Variants in NCALD observed in about 807,000 individuals in gnomAD.
The protein encoded by NCALD is neurocalcin delta.
A neutral mutation model predicts 18.6 loss-of-function variants in NCALD; 10 were observed. The observed-to-expected ratio is 0.54, with a 90% confidence interval of 0.33 to 0.91. NCALD has a LOEUF of 0.91. Among genes scored for constraint, NCALD ranks in the 40% least tolerant of loss-of-function variants. The pLI is 0.03. For missense variants in NCALD, 184 were observed against 247.6 expected (o/e 0.74, Z 1.72); for synonymous variants, 88 against 87.4 (o/e 1.01, Z -0.04).
intron 1 of NCALD, among the ~76,000 whole-genome samples, chr8:101,761,504 C>G (rs186568378): frequency 6.2e-4 from 95 of 152,234 alleles, no homozygotes; most frequent in African/African-American, 2.0e-3. Context: ...AATAAAAACT[C>G]TCCAGAAAAT....
intron 2 of NCALD, among the ~76,000 whole-genome samples, chr8:101,716,268 A>G (rs1408179637): frequency 6.6e-6 from 1 of 151,966 alleles, no homozygotes; most frequent in African/African-American, 2.4e-5. Flanking sequence ...GAGTTGAACA[A>G]TGAGAATATA....
chr8:101,823,669 A>G (rs549776050), intron 4 of NCALD, among the ~76,000 whole-genome samples: 1 of 151,998 alleles, frequency 6.6e-6, no homozygotes, highest in African/African-American at 2.4e-5. Context: ...TGAGCTCTCA[A>G]AATATTAGAA....
At chr8:101,905,674 A>T (rs1263877618) in intron 3 of NCALD, among the ~76,000 whole-genome samples, 1 of 152,042 alleles carries the variant, frequency 6.6e-6, no homozygotes, top group African/African-American at 2.4e-5. Context: ...TGGCCATGCC[A>T]CTCCCTCGAT....
intron 2 of NCALD, among the ~76,000 whole-genome samples, chr8:101,701,979 G>A (rs1452557830): frequency 1.3e-5 from 2 of 152,174 alleles, no homozygotes; most frequent in African/African-American, 4.8e-5. Flanking sequence ...TTTAGAGCTA[G>A]AAGAATCAAT....
intron 2 of NCALD, among the ~76,000 whole-genome samples, chr8:101,969,406 C>T (rs1351765502): frequency 1.3e-5 from 2 of 152,160 alleles, no homozygotes; most frequent in Non-Finnish European, 2.9e-5. Context: ...TCTATTACCC[C>T]ACACTTCGTA....
chr8:101,790,504 A>G (rs1563773201), intron 1 of NCALD, among the ~76,000 whole-genome samples: 1 of 152,220 alleles, frequency 6.6e-6, no homozygotes. Flanking sequence ...TTAGAAACAC[A>G]TTGCAAGGCT....
chr8:101,977,413 T>C (rs973388309), intron 2 of NCALD, among the ~76,000 whole-genome samples: 2 of 150,120 alleles, frequency 1.3e-5, no homozygotes, highest in African/African-American at 5.0e-5. Flanking sequence ...TTTCCATCCC[T>C]TAGGACATTT....
At chr8:102,086,067 A>G (rs926523248) in intron 1 of NCALD, among the ~76,000 whole-genome samples, 2 of 152,206 alleles carry the variant, frequency 1.3e-5, no homozygotes, top group Non-Finnish European at 2.9e-5. Flanking sequence ...CATGTTTAAA[A>G]CATGTTTAAA....
At chr8:101,900,515 C>T (rs1817380261) in intron 3 of NCALD, among the ~76,000 whole-genome samples, 1 of 151,974 alleles carries the variant, frequency 6.6e-6, no homozygotes, top group African/African-American at 2.4e-5. Context: ...CCTCTCAGAA[C>T]TGCTTTAGCT....
intron 1 of NCALD, among the ~76,000 whole-genome samples, chr8:101,777,562 A>G (rs551477268): frequency 2.6e-5 from 4 of 152,288 alleles, no homozygotes; most frequent in South Asian, 4.2e-4. Context: ...CATATGGTCA[A>G]TCAGGGTTGG....
At chr8:101,906,011 T>C (rs1343995972) in intron 3 of NCALD, among the ~76,000 whole-genome samples, 1 of 152,238 alleles carries the variant, frequency 6.6e-6, no homozygotes, top group Non-Finnish European at 1.5e-5. Context: ...ATTTATGTGA[T>C]TCATTTATGC....
intron 2 of NCALD, among the ~76,000 whole-genome samples, chr8:101,951,877 C>T (rs1819437715): frequency 6.6e-6 from 1 of 152,148 alleles, no homozygotes; most frequent in South Asian, 2.1e-4. Context: ...TGGCCAGCAC[C>T]CTCCATGCTG....
rs545753334 is a variant in NCALD, at chr8:102,048,632, G to A, written c.-209-28343C>T. On this transcript the variant is annotated intron_variant, in intron 1 of 6. Coordinates refer to the NCALD transcript ENST00000311028. ...TTACTTGCAATTGAGCTGAATTGCT[G>A]TGTATACATGACATGTATATGTGTG... Among the ~76,000 whole-genome samples the A allele has an allele frequency of 2.6e-5, 4 of 152,308 alleles. No homozygotes were observed. In the South Asian group the frequency reaches 8.3e-4, roughly 32 times the overall value.
chr8:101,817,609 TAC>T (rs1027334444), intron 4 of NCALD, among the ~76,000 whole-genome samples: 24 of 150,986 alleles, frequency 1.6e-4, no homozygotes, highest in African/African-American at 5.6e-4. Context: ...AATTGATAGA[TAC>T]ATTTTACTGT....
intron 1 of NCALD, among the ~76,000 whole-genome samples, chr8:102,046,190 T>C (rs1056854196): frequency 1.3e-5 from 2 of 152,216 alleles, no homozygotes; most frequent in Non-Finnish European, 2.9e-5. Context: ...GAACAATATA[T>C]GATAAACTCT....
chr8:101,981,813 G>A (rs921320419), intron 2 of NCALD, among the ~76,000 whole-genome samples: 5 of 152,112 alleles, frequency 3.3e-5, no homozygotes, highest in Admixed American at 1.3e-4. Flanking sequence ...GGTAGTTCAC[G>A]TCCTTATTTT....
At chr8:101,952,171 T>C (rs1032466696) in intron 2 of NCALD, among the ~76,000 whole-genome samples, 2 of 152,178 alleles carry the variant, frequency 1.3e-5, no homozygotes, top group Non-Finnish European at 2.9e-5. Flanking sequence ...GCTGCCCTCC[T>C]TGTCCTCTGT....
chr8:101,900,693 T>G (rs1399129956), intron 3 of NCALD, among the ~76,000 whole-genome samples: 1 of 152,062 alleles, frequency 6.6e-6, no homozygotes, highest in Non-Finnish European at 1.5e-5. Flanking sequence ...ATATCTATCT[T>G]GATTTGATTA....
At chr8:102,016,417 C>T (rs1329611279) in intron 2 of NCALD, among the ~76,000 whole-genome samples, 1 of 152,174 alleles carries the variant, frequency 6.6e-6, no homozygotes, top group East Asian at 1.9e-4. Context: ...GTACAATGAA[C>T]AAGAGCAATC....
Sources: allele counts gnomAD v4.1 joint callset (sites outside exome capture counted in the v4.1 genomes callset), GRCh38; gene constraint gnomAD v4.1.1; transcripts MANE v1.5; gene names NCBI Gene and HGNC (gene_info 2026-07-23, HGNC 2026-07-21).